Variants in KCNQ1 observed in about 807,000 individuals in gnomAD.
KCNQ1 encodes the protein potassium voltage-gated channel subfamily Q member 1.
Under a neutral mutation model 72.4 loss-of-function variants are expected in KCNQ1, and 49 were observed. The observed-to-expected ratio is 0.68, with a 90% CI of 0.54 to 0.86. The LOEUF (loss-of-function observed/expected upper bound fraction) is 0.86, where lower values mean the gene tolerates loss of function less well. KCNQ1 is among the 40% of genes least tolerant of loss of function. The pLI, the probability that KCNQ1 is intolerant of heterozygous loss-of-function variation, is 0.00. For missense variants in KCNQ1, 790 were observed against 945.1 expected (o/e 0.84, Z 2.15); for synonymous variants, 450 against 412.6 (o/e 1.09, Z -1.10).
At chr11:2,506,731 C>T (rs1380453935) in intron 1 of KCNQ1, among the ~76,000 whole-genome samples, 2 of 152,162 alleles carry the variant, frequency 1.3e-5, no homozygotes, top group Admixed American at 6.5e-5. Flanking sequence ...ATGAGCATAC[C>T]GGTTTTTTCT....
chr11:2,568,137 G>T (rs966892455), intron 2 of KCNQ1, among the ~76,000 whole-genome samples: 2 of 152,148 alleles, frequency 1.3e-5, no homozygotes, highest in Non-Finnish European at 2.9e-5. Flanking sequence ...GCCAGGCGTG[G>T]TGGCATGCGC....
intron 1 of KCNQ1, among the ~76,000 whole-genome samples, chr11:2,470,785 C>T (rs995137072): frequency 2.2e-4 from 33 of 152,070 alleles, no homozygotes; most frequent in African/African-American, 7.7e-4. Context: ...ATCAATCCTC[C>T]CACCTCAGCC....
chr11:2,453,011 C>T lies in KCNQ1; in HGVS notation c.386+7527C>T, dbSNP rs145220452. Among the ~76,000 whole-genome samples the T allele has an allele frequency of 7.1e-4, 108 of 152,282 alleles. 1 individual carries two copies. The highest frequency in any genetic ancestry group is 2.4e-3 in the African/African-American group (101 of 41,544). On this transcript the variant is annotated intron_variant, in intron 1 of 15. Coordinates refer to ENST00000155840, the MANE Select transcript of KCNQ1 (RefSeq NM_000218.3). The stretch of plus-strand genomic sequence containing the variant: ...CGCCTGGAATTCTTTACCCTGAGAG[C>T]GAAGAAACTTTTCTATGACTTGAAT...
rs1318040944 is a variant in KCNQ1 at position 2,784,062 on chromosome 11, C to T, written c.1794+6025C>T. On this transcript the variant is annotated intron_variant, in intron 15 of 15. Transcript: ENST00000155840. This position sits in a 1 kb window ranked among gnomAD's most constrained non-coding sequence, Gnocchi z 4.7. ...TTGATGTTTTATCTAAGAACTCTGC[C>T]TAATCCAAAGCCATAAACATTTTCT... is the stretch of plus-strand genomic sequence containing the variant. Among the ~76,000 whole-genome samples the T allele has an allele frequency of 6.6e-6, 1 of 151,954 alleles. No individual in the cohort carries two copies. The highest frequency in any genetic ancestry group is 1.9e-4 in the East Asian group (1 of 5,194).
chr11:2,686,010 G>C (rs189980743), intron 11 of KCNQ1: 1 of 398,892 alleles, frequency 2.5e-6, no homozygotes, highest in Non-Finnish European at 4.4e-6. Flanking sequence ...GAAGAGTCAG[G>C]GGGGCTCACT....
Position 2,446,982 on chromosome 11 carries a change from G to A in KCNQ1, c.386+1498G>A, listed in dbSNP as rs191098457. Among the ~76,000 whole-genome samples the A allele has an allele frequency of 5.9e-5, 9 of 152,246 alleles. No individual in the cohort carries two copies. The highest frequency in any genetic ancestry group is 3.3e-4 in the Admixed American group (5 of 15,300). On this transcript the variant is annotated intron_variant, in intron 1 of 15. Coordinates refer to ENST00000155840, the MANE Select transcript of KCNQ1 (RefSeq NM_000218.3). The surrounding 1 kb of genome is among the most constrained non-coding windows in gnomAD (Gnocchi z 8.8). ...GTGTGCTGGTGGCCACCTGCCTCCC[G>A]GACCCCAGACTCTCTGAGATGTCCA...
intron 2 of KCNQ1, among the ~76,000 whole-genome samples, chr11:2,560,408 G>A (rs1412908178): frequency 1.4e-4 from 13 of 90,236 alleles, no homozygotes; most frequent in Middle Eastern, 5.6e-3. Context: ...TCCTGGGACT[G>A]GGGGGTGACG....
intron 1 of KCNQ1, among the ~76,000 whole-genome samples, chr11:2,485,934 A>G (rs1846733820): frequency 1.3e-5 from 2 of 152,222 alleles, no homozygotes; most frequent in Admixed American, 6.5e-5. Flanking sequence ...TTGCTTATCC[A>G]TTCATCTTTT....
intron 10 of KCNQ1, chr11:2,635,658 A>C (rs1031691642): frequency 1.1e-4 from 16 of 152,070 alleles, no homozygotes; most frequent in Non-Finnish European, 2.4e-4. Context: ...TTGTCTTGGC[A>C]ATGCGGGCTC....
At chr11:2,823,661 G>A (rs1847784398) in intron 15 of KCNQ1, among the ~76,000 whole-genome samples, 1 of 152,246 alleles carries the variant, frequency 6.6e-6, no homozygotes, top group African/African-American at 2.4e-5. Flanking sequence ...GTGGGACTGG[G>A]AAGAAAATCT....
intron 15 of KCNQ1, among the ~76,000 whole-genome samples, chr11:2,791,921 G>A (rs1802178362): frequency 1.3e-5 from 2 of 152,362 alleles, no homozygotes; most frequent in South Asian, 2.1e-4. Context: ...GCACGGAGCC[G>A]GTGTTTACTT....
Position 2,602,624 on chromosome 11 carries a change from A to T in KCNQ1, c.1393+13770A>T, listed in dbSNP as rs1848823379. ...TGTTTTTAATTTTCTCCATTCAGAT[A>T]GGTGTGTAGTGAGATCTCATTGTGG... On this transcript the variant is annotated intron_variant, in intron 10 of 15. Transcript: ENST00000155840. The surrounding 1 kb of genome is among the most constrained non-coding windows in gnomAD (Gnocchi z 4.8). Among the ~76,000 whole-genome samples the T allele has an allele frequency of 6.6e-6, 1 of 152,180 alleles. No homozygotes were observed. Among genetic ancestry groups the T allele is most frequent in the Non-Finnish European group, 1.5e-5 (1 of 68,042 alleles).
chr11:2,525,720 C>T (rs1477690787), intron 1 of KCNQ1, among the ~76,000 whole-genome samples: 1 of 152,216 alleles, frequency 6.6e-6, no homozygotes, highest in African/African-American at 2.4e-5. Flanking sequence ...GCTGATCAGA[C>T]TTGTGCTTTG....
chr11:2,593,344 G>A lies in KCNQ1; in HGVS notation c.1393+4490G>A, dbSNP rs535673636. 7.9e-5 allele frequency among the ~76,000 whole-genome samples: 12 copies of A among 151,652 alleles called. No individual in the cohort carries two copies. Among genetic ancestry groups the A allele is most frequent in the African/African-American group, 2.9e-4 (12 of 41,514 alleles). Reference sequence around the variant, plus strand: ...TCAGAGAACACTGGGCTGGAAGGTCGTGGTCTGTGACGTAGGATCGGGGAG... The same window carrying A: ...TCAGAGAACACTGGGCTGGAAGGTCATGGTCTGTGACGTAGGATCGGGGAG... On this transcript the variant is annotated intron_variant, in intron 10 of 15. Coordinates refer to ENST00000155840, the MANE Select transcript of KCNQ1 (RefSeq NM_000218.3). This position sits in a 1 kb window ranked among gnomAD's most constrained non-coding sequence, Gnocchi z 6.9.
intron 2 of KCNQ1, among the ~76,000 whole-genome samples, chr11:2,540,460 G>A (rs539513171): frequency 2.0e-5 from 3 of 152,332 alleles, no homozygotes; most frequent in East Asian, 1.9e-4. Flanking sequence ...CTCTTCCCAC[G>A]AGATTTTCTT....
At chr11:2,834,514 T>C (rs576091518) in intron 15 of KCNQ1, among the ~76,000 whole-genome samples, 25 of 152,272 alleles carry the variant, frequency 1.6e-4, no homozygotes, top group South Asian at 1.2e-3. Flanking sequence ...CCAAGGTCTT[T>C]TGGGGGCTGC....
At chr11:2,581,889 T>C (rs1183014526) in intron 6 of KCNQ1, among the ~76,000 whole-genome samples, 1 of 152,054 alleles carries the variant, frequency 6.6e-6, no homozygotes. Context: ...CATGGGGGCA[T>C]GTGTGTGTCT....
chr11:2,767,241 G>T lies in KCNQ1; in HGVS notation c.1515-1603G>T, dbSNP rs2133979576. Among the ~76,000 whole-genome samples, 2 of 152,086 alleles carry T rather than the reference G, an allele frequency of 1.3e-5. No homozygotes were observed. The highest frequency in any genetic ancestry group is 4.2e-4 in the South Asian group (2 of 4,812). On this transcript the variant is annotated intron_variant, in intron 11 of 15. Transcript: ENST00000155840. This position sits in a 1 kb window ranked among gnomAD's most constrained non-coding sequence, Gnocchi z 4.6. ...TTGGACTTGGTTCAGCTAGGAGGTT[G>T]TTCTGTTGGTGCTGGCTGTTAGCTG... is the stretch of plus-strand genomic sequence containing the variant.
At chr11:2,825,728 C>A (rs533120389) in intron 15 of KCNQ1, among the ~76,000 whole-genome samples, 2 of 152,214 alleles carry the variant, frequency 1.3e-5, no homozygotes, top group Non-Finnish European at 2.9e-5. Context: ...GGCAGCTCTC[C>A]CAAAGCAGTC....
Sources: gnomAD v4.1 joint callset for allele counts (sites outside exome capture counted in the v4.1 genomes callset) on GRCh38, gnomAD v4.1.1 for gene constraint, Gnocchi (gnomAD v3.1) non-coding constraint, MANE v1.5 for transcripts, NCBI Gene and HGNC (gene_info 2026-07-23, HGNC 2026-07-21) for gene names.